The following CNTNAP5 variants were observed in gnomAD, a reference collection of about 807,000 sequenced individuals.
CNTNAP5 encodes contactin associated protein family member 5, also known as contactin-associated protein-like 5.
CNTNAP5 carries 72 observed loss-of-function variants against 150.2 expected under a neutral mutation model. The observed-to-expected ratio is 0.48, with a 90% CI of 0.40 to 0.58. The LOEUF (loss-of-function observed/expected upper bound fraction) is 0.58. CNTNAP5 is among the 20% of genes least tolerant of loss of function. The probability of loss-of-function intolerance (pLI) is 0.00; values close to 1 mark genes in which losing one functional copy is unlikely to be tolerated. For synonymous variants in CNTNAP5, 672 were observed against 619.8 expected (o/e 1.08, Z -1.25); for missense variants, 1,636 against 1,626.2 (o/e 1.01, Z -0.10).
intron 8 of CNTNAP5, among the ~76,000 whole-genome samples, chr2:124,513,162 CAGGA>C (rs1255020456): frequency 1.3e-5 from 2 of 152,148 alleles, no homozygotes; most frequent in African/African-American, 4.8e-5. Flanking sequence ...GCTACAAATC[CAGGA>C]TCCAGATGTT....
chr2:124,302,754 C>G (rs544249780), intron 3 of CNTNAP5, among the ~76,000 whole-genome samples: 4 of 152,162 alleles, frequency 2.6e-5, no homozygotes, highest in Non-Finnish European at 4.4e-5. Context: ...TTTTTGTCAT[C>G]TGTAGATTTG....
intron 11 of CNTNAP5, among the ~76,000 whole-genome samples, chr2:124,576,847 A>T (rs908606942): frequency 2.0e-5 from 3 of 152,224 alleles, no homozygotes; most frequent in Non-Finnish European, 4.4e-5. Context: ...TGCAGTGCCT[A>T]TATAGGAAGT....
At chr2:124,386,141 T>C (rs1690921416) in intron 3 of CNTNAP5, among the ~76,000 whole-genome samples, 1 of 152,182 alleles carries the variant, frequency 6.6e-6, no homozygotes, top group African/African-American at 2.4e-5. Flanking sequence ...CTCTTTCACA[T>C]GGTCTACTGG....
chr2:124,082,343 T>C, intron 1 of CNTNAP5, among the ~76,000 whole-genome samples: 1 of 97,050 alleles, frequency 1.0e-5, no homozygotes, highest in Non-Finnish European at 1.9e-5. Flanking sequence ...AGTGAGACTC[T>C]CTCTCAAAAA....
At chr2:124,708,793 G>C (rs894094308) in intron 13 of CNTNAP5, among the ~76,000 whole-genome samples, 1 of 152,172 alleles carries the variant, frequency 6.6e-6, no homozygotes, top group Admixed American at 6.5e-5. Context: ...TAATTGCTGA[G>C]TTCTCTAAGC....
intron 3 of CNTNAP5, among the ~76,000 whole-genome samples, chr2:124,373,626 G>T (rs1177135501): frequency 6.6e-6 from 1 of 151,794 alleles, no homozygotes; most frequent in East Asian, 1.9e-4. Flanking sequence ...CTAAGGTTCA[G>T]AATAATTGAG....
At chr2:124,066,603 C>A (rs933632412) in intron 1 of CNTNAP5, among the ~76,000 whole-genome samples, 1 of 151,908 alleles carries the variant, frequency 6.6e-6, no homozygotes, top group Admixed American at 6.6e-5. Context: ...CTTGGTGTTA[C>A]TTTTACATCC....
chr2:124,068,648 AC>A lies in CNTNAP5; in HGVS notation c.82+42920del, dbSNP rs530539644. On this transcript the variant is annotated intron_variant, in intron 1 of 23. Transcript: ENST00000682447. ...TGACTGCTAAGAGAGTGCTTGCACC[AC>A]CCCTCCTTCAACACCAGGTAGCACA... Among the ~76,000 whole-genome samples the A allele has an allele frequency of 2.0e-5, 3 of 151,510 alleles. No homozygotes were observed. In the South Asian group the frequency reaches 6.3e-4, roughly 32 times the overall value.
At chr2:124,467,766 A>G (rs950685712) in intron 6 of CNTNAP5, among the ~76,000 whole-genome samples, 1 of 152,156 alleles carries the variant, frequency 6.6e-6, no homozygotes, top group Non-Finnish European at 1.5e-5. Context: ...AAAAATCTAA[A>G]TCAGGGTGCA....
Position 124,469,120 on chromosome 2 carries a change from C to A in CNTNAP5, c.919-5619C>A, listed in dbSNP as rs77085107. ...CAGAGAGCAGGCCTCAAGCTACCAC[C>A]TAACTGTGCTCTTGTCTCAACCAAC... On this transcript the variant is annotated intron_variant, in intron 6 of 23. Coordinates refer to ENST00000682447, the MANE Select transcript of CNTNAP5 (RefSeq NM_001367498.1). Among the ~76,000 whole-genome samples the A allele has an allele frequency of 3.4e-3, 511 of 152,346 alleles. 6 individuals carry two copies. The highest frequency in any genetic ancestry group is 0.012 in the African/African-American group (491 of 41,594).
At chr2:124,188,547 G>A (rs1243811451) in intron 1 of CNTNAP5, among the ~76,000 whole-genome samples, 1 of 151,706 alleles carries the variant, frequency 6.6e-6, no homozygotes, top group South Asian at 2.1e-4. Context: ...GAGAAACCCC[G>A]TCTCTACTAA....
chr2:124,576,518 G>C (rs1696285587), intron 11 of CNTNAP5, among the ~76,000 whole-genome samples: 1 of 152,224 alleles, frequency 6.6e-6, no homozygotes, highest in Non-Finnish European at 1.5e-5. Flanking sequence ...CAGAGGAGAA[G>C]CTGGGCTCTC....
intron 1 of CNTNAP5, among the ~76,000 whole-genome samples, chr2:124,164,469 T>C (rs980431353): frequency 2.5e-4 from 38 of 152,318 alleles, no homozygotes; most frequent in African/African-American, 7.7e-4. Context: ...CTCTGTTTTA[T>C]ATGTATATAT....
chr2:124,162,494 GGT>G (rs1684706241), intron 1 of CNTNAP5, among the ~76,000 whole-genome samples: 1 of 152,078 alleles, frequency 6.6e-6, no homozygotes, highest in Non-Finnish European at 1.5e-5. Context: ...CTTGCCACCT[GGT>G]TAGTTTTTTC....
At chr2:124,086,487 G>A (rs1027870317) in intron 1 of CNTNAP5, among the ~76,000 whole-genome samples, 1 of 151,486 alleles carries the variant, frequency 6.6e-6, no homozygotes. Context: ...ACAAGCGTGA[G>A]CCACTGTACC....
At chr2:124,047,272 A>C (rs1254355877) in intron 1 of CNTNAP5, among the ~76,000 whole-genome samples, 1 of 152,238 alleles carries the variant, frequency 6.6e-6, no homozygotes, top group East Asian at 1.9e-4. Flanking sequence ...CTGGAAAGTG[A>C]AATGTCCACT....
intron 1 of CNTNAP5, among the ~76,000 whole-genome samples, chr2:124,202,739 T>C (rs1043379752): frequency 1.3e-5 from 2 of 152,134 alleles, no homozygotes; most frequent in East Asian, 3.9e-4. Context: ...AACAGCCCTT[T>C]ATTAGACCAT....
chr2:124,709,216 G>GGTGT (rs372309041), intron 13 of CNTNAP5, among the ~76,000 whole-genome samples: 82 of 138,708 alleles, frequency 5.9e-4, no homozygotes, highest in African/African-American at 1.9e-3. Context: ...GGGGAGGGAG[G>GGTGT]GTGTGTGTGT....
At chr2:124,337,451 A>T (rs551525245) in intron 3 of CNTNAP5, among the ~76,000 whole-genome samples, 56 of 152,116 alleles carry the variant, frequency 3.7e-4, no homozygotes, top group South Asian at 1.5e-3. Flanking sequence ...CCTTGCCCAT[A>T]CCTATGTCCA....
Sources: allele counts gnomAD v4.1 joint callset (sites outside exome capture counted in the v4.1 genomes callset), GRCh38; gene constraint gnomAD v4.1.1; transcripts MANE v1.5; gene names NCBI Gene and HGNC (gene_info 2026-07-23, HGNC 2026-07-21).